Variants in LUC7L observed in about 807,000 individuals in gnomAD.
LUC7L encodes the protein LUC7 like.
A neutral mutation model predicts 51.1 loss-of-function variants in LUC7L; 29 were observed. The observed-to-expected ratio is 0.57, with a 90% CI of 0.42 to 0.77. The LOEUF is 0.77. LUC7L is among the 30% of genes least tolerant of loss of function. The pLI is 0.00. For synonymous variants in LUC7L, 181 were observed against 180.7 expected, an observed-to-expected ratio of 1.00 and a Z score of -0.01; for missense variants, 403 against 511.9, an observed-to-expected ratio of 0.79 and a Z score of 2.05.
At chr16:202,829 G>A (rs1275959954) in intron 5 of LUC7L, among the ~76,000 whole-genome samples, 2 of 152,162 alleles carry the variant, frequency 1.3e-5, no homozygotes, top group Non-Finnish European at 2.9e-5. Context: ...CCACAAAAGC[G>A]ATAAACTAGA....
intron 3 of LUC7L, among the ~76,000 whole-genome samples, chr16:210,868 A>C (rs1596647065): frequency 6.6e-6 from 1 of 150,536 alleles, no homozygotes; most frequent in South Asian, 2.1e-4. Context: ...TGGCTAACAC[A>C]GTGAAACCCC....
intron 6 of LUC7L, among the ~76,000 whole-genome samples, chr16:197,207 CTTTTTTT>C (rs754309530): frequency 1.7e-4 from 14 of 80,388 alleles, no homozygotes; most frequent in Admixed American, 1.6e-3. Context: ...TGCACCCAGC[CTTTTTTT>C]TTTTTTTTTT....
chr16:189,588 A>G (rs2048954460), intron 9 of LUC7L: 1 of 1,366,384 alleles, frequency 7.3e-7, no homozygotes. Context: ...AAAGGAGAAT[A>G]CAACACTATA....
At position 227,224 on chromosome 16, in the gene LUC7L, C is replaced by A. The variant is rs1264202565; in HGVS notation, c.156+18G>T. 6.2e-7 allele frequency: 1 copy of A among 1,603,972 alleles called. No individual in the cohort carries two copies. The highest frequency in any genetic ancestry group is 2.2e-5 in the East Asian group (1 of 44,806). On this transcript the variant is annotated intron_variant, in intron 2 of 9. Coordinates refer to ENST00000293872, the MANE Select transcript of LUC7L (RefSeq NM_201412.3). Reference sequence around the variant, plus strand: ...CTCATGTCAGAGTGTTCCATGAGGTCCCCCAAAATGCACCTACCGTCCCAG... The same window carrying A: ...CTCATGTCAGAGTGTTCCATGAGGTACCCCAAAATGCACCTACCGTCCCAG...
At chr16:191,700 C>A (rs1395290192) in intron 7 of LUC7L, among the ~76,000 whole-genome samples, 1 of 152,126 alleles carries the variant, frequency 6.6e-6, no homozygotes, top group African/African-American at 2.4e-5. Flanking sequence ...CAAAAATTAG[C>A]TGGGCGTGAT....
chr16:204,141 G>A (rs2049411565), intron 5 of LUC7L, among the ~76,000 whole-genome samples: 1 of 152,006 alleles, frequency 6.6e-6, no homozygotes, highest in Non-Finnish European at 1.5e-5. Context: ...AAAATTACAA[G>A]ACTCATAAAA....
At chr16:221,505 C>CA (rs2049969253) in intron 2 of LUC7L, among the ~76,000 whole-genome samples, 1 of 151,922 alleles carries the variant, frequency 6.6e-6, no homozygotes, top group Admixed American at 6.6e-5. Context: ...AGTTCAAGGC[C>CA]AGCCTGCCCA....
intron 1 of LUC7L, chr16:228,737 C>A: frequency 1.6e-6 from 2 of 1,253,580 alleles, no homozygotes; most frequent in Non-Finnish European, 1.0e-6. Flanking sequence ...CAGAGGCTCT[C>A]CTGTGTGCTG....
chr16:203,519 C>A (rs576723495), intron 5 of LUC7L, among the ~76,000 whole-genome samples: 116 of 152,116 alleles, frequency 7.6e-4, no homozygotes, highest in Non-Finnish European at 1.4e-3. Flanking sequence ...CCAGCCTTGA[C>A]AACATGGCGA....
intron 6 of LUC7L, among the ~76,000 whole-genome samples, chr16:197,480 G>A (rs1438271444): frequency 6.6e-6 from 1 of 152,184 alleles, no homozygotes; most frequent in South Asian, 2.1e-4. Flanking sequence ...CGAAGTTTGG[G>A]ATTACAGGCG....
chr16:202,515 G>C (rs1235149048), intron 5 of LUC7L, among the ~76,000 whole-genome samples: 2 of 151,988 alleles, frequency 1.3e-5, no homozygotes, highest in African/African-American at 4.8e-5. Context: ...CAAATATTTA[G>C]GGGCCCACTG....
intron 7 of LUC7L, among the ~76,000 whole-genome samples, chr16:192,225 C>T (rs1040718934): frequency 1.3e-5 from 2 of 152,126 alleles, no homozygotes; most frequent in Non-Finnish European, 2.9e-5. Flanking sequence ...GCACCCCTTA[C>T]CTGGCTTAAA....
At chr16:190,519 T>C in intron 8 of LUC7L, 22 bp downstream of exon 8, 1 of 1,613,108 alleles carries the variant, frequency 6.2e-7, no homozygotes, top group Non-Finnish European at 8.5e-7. Flanking sequence ...TTGAGAACAT[T>C]TTAATGGACC....
At chr16:202,025 T>A (rs1798634938) in intron 5 of LUC7L, among the ~76,000 whole-genome samples, 1 of 152,072 alleles carries the variant, frequency 6.6e-6, no homozygotes, top group Non-Finnish European at 1.5e-5. Flanking sequence ...ATTACAGGCA[T>A]GAGCAACCGT....
intron 1 of LUC7L, chr16:227,552 A>C (rs1199612724): frequency 1.5e-6 from 2 of 1,375,650 alleles, no homozygotes; most frequent in African/African-American, 2.9e-5. Context: ...ACTTAATGAG[A>C]TCTGACTCCA....
chr16:215,213 T>C (rs1361745736), intron 3 of LUC7L, among the ~76,000 whole-genome samples: 2 of 152,070 alleles, frequency 1.3e-5, no homozygotes, highest in African/African-American at 4.8e-5. Flanking sequence ...GTAGGCCAGG[T>C]GCAATGGATC....
intron 5 of LUC7L, among the ~76,000 whole-genome samples, chr16:205,757 T>C (rs971842199): frequency 2.0e-5 from 3 of 152,032 alleles, no homozygotes; most frequent in African/African-American, 7.2e-5. Flanking sequence ...GCCCGGCTAA[T>C]TTTTTTGTAT....
intron 1 of LUC7L, 97 bp downstream of exon 1, chr16:229,182 C>A: frequency 1.3e-6 from 2 of 1,483,078 alleles, no homozygotes; most frequent in Non-Finnish European, 1.8e-6. Context: ...CCCGCGCAGG[C>A]GCAGGCGCAG....
intron 4 of LUC7L, 22 bp downstream of exon 4, chr16:208,056 C>T: frequency 3.9e-6 from 6 of 1,543,470 alleles, no homozygotes; most frequent in Non-Finnish European, 5.3e-6. Context: ...ACACACCAGA[C>T]ACCGAAGCCA....
Sources: gnomAD v4.1 joint callset for allele counts (sites outside exome capture counted in the v4.1 genomes callset) on GRCh38, gnomAD v4.1.1 for gene constraint, MANE v1.5 for transcripts, NCBI Gene and HGNC (gene_info 2026-07-23, HGNC 2026-07-21) for gene names.